PCDHGA5: variants seen among roughly 807,000 people sequenced by gnomAD.
PCDHGA5 encodes the protein protocadherin gamma subfamily A, 5.
A neutral mutation model predicts 56.7 loss-of-function variants in PCDHGA5; 36 were observed. The observed-to-expected ratio is 0.64, with a 90% CI of 0.49 to 0.84. The LOEUF is 0.84. PCDHGA5 is among the 40% of genes least tolerant of loss of function. The probability of loss-of-function intolerance (pLI) is 0.00; values close to 1 mark genes in which losing one functional copy is unlikely to be tolerated. For synonymous variants in PCDHGA5, 563 were observed against 520.2 expected (o/e 1.08, Z -1.12); for missense variants, 1,305 against 1,201.5 (o/e 1.09, Z -1.27).
intron 1 of PCDHGA5, chr5:141,404,548 G>C (rs761765539): frequency 1.2e-5 from 20 of 1,613,740 alleles, no homozygotes. Context: ...AAATGCAGGT[G>C]ACGGCAAGTG....
At chr5:141,403,350 TC>T in intron 1 of PCDHGA5, 2 of 1,613,994 alleles carry the variant, frequency 1.2e-6, no homozygotes, top group Non-Finnish European at 1.7e-6. Flanking sequence ...GCCCCAAAGT[TC>T]CAGGCCGAAA....
chr5:141,462,051 G>A (rs1370612703), intron 1 of PCDHGA5, among the ~76,000 whole-genome samples: 2 of 152,068 alleles, frequency 1.3e-5, no homozygotes, highest in African/African-American at 4.8e-5. Context: ...TTGAACTCCC[G>A]ACCTCAGGTG....
At chr5:141,398,775 C>T in intron 1 of PCDHGA5, 1 of 1,613,926 alleles carries the variant, frequency 6.2e-7, no homozygotes, top group African/African-American at 1.3e-5. Flanking sequence ...CTGCCTTGGA[C>T]GGTGGACATC....
At position 141,491,872 on chromosome 5, in the gene PCDHGA5, G is replaced by A; in HGVS notation, c.2422-2935G>A. On this transcript the variant is annotated intron_variant, in intron 1 of 3. Transcript: ENST00000518069. The surrounding 1 kb of genome is among the most constrained non-coding windows in gnomAD (Gnocchi z 6.9). ...CCGTTTGCGCGAAACCAGAGTGGCCGATTAAGGGATGGGGCTCCGAGCACC... is the reference window on the plus strand; with the variant it reads ...CCGTTTGCGCGAAACCAGAGTGGCCAATTAAGGGATGGGGCTCCGAGCACC... 6.9e-7 allele frequency: 1 copy of A among 1,452,190 alleles called. No individual in the cohort carries two copies. The highest frequency in any genetic ancestry group is 9.1e-7 in the Non-Finnish European group (1 of 1,098,644). The allele number at this position is 1,452,190 out of a possible 1,614,324, so 90.0% of individuals were successfully genotyped here.
intron 1 of PCDHGA5, chr5:141,423,382 C>A (rs1244632347): frequency 6.2e-7 from 1 of 1,614,118 alleles, no homozygotes; most frequent in Admixed American, 1.7e-5. Context: ...CAGGCTGTGG[C>A]GCTGGCATAA....
chr5:141,403,762 T>A (rs1217388200), intron 1 of PCDHGA5: 1 of 1,613,736 alleles, frequency 6.2e-7, no homozygotes, highest in Non-Finnish European at 8.5e-7. Flanking sequence ...GCGACCTGGA[T>A]GAGGGAATCA....
At chr5:141,462,627 A>T (rs1200455153) in intron 1 of PCDHGA5, among the ~76,000 whole-genome samples, 1 of 150,276 alleles carries the variant, frequency 6.7e-6, no homozygotes, top group East Asian at 1.9e-4. Flanking sequence ...TAGAAGTTCC[A>T]TTTGACTCTT....
chr5:141,447,023 G>GTTT, intron 1 of PCDHGA5, among the ~76,000 whole-genome samples: 1 of 151,542 alleles, frequency 6.6e-6, no homozygotes, highest in African/African-American at 2.4e-5. Context: ...GTTTTGTTTT[G>GTTT]TTTTTTTTCT....
In PCDHGA5 at chr5:141,402,956, G is replaced by A. The variant is rs1276206622; in HGVS notation, c.2421+36205G>A. Reference sequence around the variant, plus strand: ...AAAATTCCAAAGCGAGGCAGCAATGGCAGCTCCAACCAAATGCCAGCTCCG... The same window carrying A: ...AAAATTCCAAAGCGAGGCAGCAATGACAGCTCCAACCAAATGCCAGCTCCG... On this transcript the variant is annotated intron_variant, in intron 1 of 3. Coordinates refer to ENST00000518069, the MANE Select transcript of PCDHGA5 (RefSeq NM_018918.3). 1.2e-6 allele frequency: 2 copies of A among 1,601,842 alleles called. No individual in the cohort carries two copies. The highest frequency in any genetic ancestry group is 2.7e-5 in the African/African-American group (2 of 74,454).
At chr5:141,395,506 G>A in intron 1 of PCDHGA5, 1 of 433,794 alleles carries the variant, frequency 2.3e-6, no homozygotes, top group East Asian at 4.4e-5. Flanking sequence ...CACTTAAGAA[G>A]TAGCTACCCG....
intron 1 of PCDHGA5, chr5:141,374,361 A>G (rs1418865389): frequency 6.2e-7 from 1 of 1,614,016 alleles, no homozygotes; most frequent in East Asian, 2.2e-5. Flanking sequence ...ATAGACCGCG[A>G]GGAGCTCTGT....
chr5:141,382,904 C>T (rs1286843210), intron 1 of PCDHGA5: 3 of 1,543,132 alleles, frequency 1.9e-6, no homozygotes, highest in Non-Finnish European at 1.7e-6. Flanking sequence ...ACGACTATGG[C>T]GGCTCAGCCG....
chr5:141,407,088 GT>G lies in PCDHGA5; in HGVS notation c.2421+40341del, dbSNP rs571130014. Among the ~76,000 whole-genome samples, 18 of 152,174 alleles carry G rather than the reference GT, an allele frequency of 1.2e-4. No individual in the cohort carries two copies. The East Asian group carries it at 3.5e-3, about 29-fold the overall frequency. On this transcript the variant is annotated intron_variant, in intron 1 of 3. Coordinates refer to ENST00000518069, the MANE Select transcript of PCDHGA5 (RefSeq NM_018918.3). ...GGCATTTCTGTGGAAATGAAGAATT[GT>G]TTTATTTGTTTGTAATTATTTGGGT...
At chr5:141,404,029 C>A in intron 1 of PCDHGA5, 2 of 1,613,428 alleles carry the variant, frequency 1.2e-6, no homozygotes, top group South Asian at 1.1e-5. Flanking sequence ...TGAGAGAAGA[C>A]GCACCTCAGG....
chr5:141,448,788 A>C (rs865953914), intron 1 of PCDHGA5, among the ~76,000 whole-genome samples: 3 of 151,964 alleles, frequency 2.0e-5, no homozygotes, highest in South Asian at 2.1e-4. Flanking sequence ...AAAATACAAA[A>C]AAAAAAATTA....
chr5:141,385,360 T>C, intron 1 of PCDHGA5: 1 of 1,545,774 alleles, frequency 6.5e-7, no homozygotes, highest in South Asian at 1.3e-5. Context: ...ATGAGGAATT[T>C]ATTTGCATGA....
chr5:141,482,588 C>T (rs559327092), intron 1 of PCDHGA5, among the ~76,000 whole-genome samples: 3 of 147,192 alleles, frequency 2.0e-5, no homozygotes, highest in Admixed American at 6.8e-5. Context: ...GCAGTGGGAC[C>T]AAACGGGAAA....
intron 1 of PCDHGA5, chr5:141,422,221 A>T (rs1267909650): frequency 1.3e-6 from 2 of 1,565,034 alleles, no homozygotes; most frequent in Admixed American, 4.0e-5. Context: ...CTTTACCACC[A>T]CGACGATGTT....
In PCDHGA5 at chr5:141,502,614, T is replaced by C. The variant is rs534996288; in HGVS notation, c.2481-2779T>C. Among the ~76,000 whole-genome samples the C allele has an allele frequency of 7.2e-5, 11 of 152,316 alleles. No homozygotes were observed. In the East Asian group the frequency reaches 1.7e-3, roughly 24 times the overall value. ...AGATATTTTAAAATATTTGTGAAAATATAAGTAATCTGTGGATGATACTTT... is the reference window on the plus strand; with the variant it reads ...AGATATTTTAAAATATTTGTGAAAACATAAGTAATCTGTGGATGATACTTT... On this transcript the variant is annotated intron_variant, in intron 2 of 3. Transcript: ENST00000518069.
Sources: gnomAD v4.1 joint callset for allele counts (sites outside exome capture counted in the v4.1 genomes callset) on GRCh38, gnomAD v4.1.1 for gene constraint, Gnocchi (gnomAD v3.1) non-coding constraint, MANE v1.5 for transcripts, NCBI Gene and HGNC (gene_info 2026-07-23, HGNC 2026-07-21) for gene names.